The following OSBP2 variants were observed in gnomAD, a reference collection of about 807,000 sequenced individuals.
OSBP2 encodes oxysterol-binding protein 2.
Under a neutral mutation model 96.0 loss-of-function variants are expected in OSBP2, and 66 were observed. The ratio of observed to expected loss-of-function variants is 0.69; its 90% confidence interval spans 0.56 to 0.84. OSBP2 has a LOEUF of 0.84. OSBP2 is among the 40% of genes least tolerant of loss of function. The pLI, the probability that OSBP2 is intolerant of heterozygous loss-of-function variation, is 0.00. For synonymous variants in OSBP2, 525 were observed against 520.9 expected, an observed-to-expected ratio of 1.01 and a Z score of -0.11; for missense variants, 1,038 against 1,222.7, an observed-to-expected ratio of 0.85 and a Z score of 2.25.
intron 2 of OSBP2, 62 bp downstream of exon 2, chr22:30,741,431 G>A (rs1195445369): frequency 4.3e-6 from 6 of 1,400,388 alleles, no homozygotes; most frequent in Non-Finnish European, 5.8e-6. Flanking sequence ...GAGGAAGTGG[G>A]AATTGCAAGC....
chr22:30,807,233 C>T (rs1444688741), intron 2 of OSBP2, among the ~76,000 whole-genome samples: 10 of 152,118 alleles, frequency 6.6e-5, no homozygotes, highest in Non-Finnish European at 7.4e-5. Flanking sequence ...CCCCTGCCCC[C>T]GCGAGACTCA....
Position 30,810,787 on chromosome 22 carries a change from G to A in OSBP2, c.854-59642G>A, listed in dbSNP as rs146986099. ...ATTGCTGCCTGCCAGGTTGGTCTGT[G>A]TGCACTGATGCGGTGGCTTCTCTGA... On this transcript the variant is annotated intron_variant, in intron 2 of 13. Transcript: ENST00000332585. Among the ~76,000 whole-genome samples, 720 of 152,282 alleles carry A rather than the reference G, an allele frequency of 4.7e-3. 7 individuals are homozygous for A. Among genetic ancestry groups the A allele is most frequent in the Non-Finnish European group, 8.4e-3 (568 of 68,010 alleles).
rs146970924 is a variant in OSBP2, at chr22:30,709,221, A to G, written c.644+13668A>G. 2.1e-4 allele frequency among the ~76,000 whole-genome samples: 32 copies of G among 152,332 alleles called. 1 individual carries two copies. Among genetic ancestry groups the G allele is most frequent in the Admixed American group, 2.0e-3 (31 of 15,308 alleles). On this transcript the variant is annotated intron_variant, in intron 1 of 13. Transcript: ENST00000332585. ...ATCAGCTATCCAATCAGTGTTCACA[A>G]TTTCAGTGGTTTCAAATGTCATAAA... is the stretch of plus-strand genomic sequence containing the variant.
At chr22:30,754,463 A>G (rs2090116560) in intron 2 of OSBP2, among the ~76,000 whole-genome samples, 1 of 152,076 alleles carries the variant, frequency 6.6e-6, no homozygotes, top group Non-Finnish European at 1.5e-5. Context: ...GCCTTTAAGG[A>G]GCTCACTGTT....
chr22:30,883,857 G>A (rs2039753460), intron 3 of OSBP2, among the ~76,000 whole-genome samples: 1 of 152,170 alleles, frequency 6.6e-6, no homozygotes, highest in Non-Finnish European at 1.5e-5. Context: ...CTGGCTGCTG[G>A]GGCACATTGT....
intron 1 of OSBP2, among the ~76,000 whole-genome samples, chr22:30,716,053 T>G (rs2089450457): frequency 6.6e-6 from 1 of 151,222 alleles, no homozygotes; most frequent in African/African-American, 2.4e-5. Context: ...TCTTTTTTTT[T>G]TTTTTGAGAC....
chr22:30,788,008 C>T lies in OSBP2; in HGVS notation c.853+46639C>T, dbSNP rs537874546. On this transcript the variant is annotated intron_variant, in intron 2 of 13. Transcript: ENST00000332585. ...CGCTTCAGTAGGCAGAGCCAAGCTC[C>T]ATGTCTGGGCTTAACTGAACAGGAC... Among the ~76,000 whole-genome samples the T allele has an allele frequency of 2.6e-5, 4 of 152,314 alleles. No individual in the cohort carries two copies. In the East Asian group the frequency reaches 7.7e-4, roughly 29 times the overall value.
Position 30,752,139 on chromosome 22 carries a change from C to G in OSBP2, c.853+10770C>G, listed in dbSNP as rs1351249971. Among the ~76,000 whole-genome samples, 5 of 152,264 alleles carry G rather than the reference C, an allele frequency of 3.3e-5. No individual in the cohort carries two copies. The South Asian group carries it at 8.3e-4, about 25-fold the overall frequency. ...AGCGGCACCCAGCCACCTCTGCTCA[C>G]TGCAGTAGTGATTCTCTGCCTGTGC... On this transcript the variant is annotated intron_variant, in intron 2 of 13. Coordinates refer to ENST00000332585, the MANE Select transcript of OSBP2 (RefSeq NM_030758.4).
intron 2 of OSBP2, among the ~76,000 whole-genome samples, chr22:30,809,052 T>G (rs576605415): frequency 6.6e-6 from 1 of 152,122 alleles, no homozygotes; most frequent in East Asian, 1.9e-4. Context: ...AGGCAGAGAT[T>G]GGAATTATGC....
At position 30,699,403 on chromosome 22, in the gene OSBP2, G is replaced by T. The variant is rs1215481120; in HGVS notation, c.644+3850G>T. Among the ~76,000 whole-genome samples, 6 of 152,284 alleles carry T rather than the reference G, an allele frequency of 3.9e-5. No individual in the cohort carries two copies. The East Asian group carries it at 1.2e-3, about 29-fold the overall frequency. Reference sequence around the variant, plus strand: ...ATGATGGGTCACTACAAACATTCTTGTATGTGTGCCGGAATTTCTCTTGAG... The same window carrying T: ...ATGATGGGTCACTACAAACATTCTTTTATGTGTGCCGGAATTTCTCTTGAG... On this transcript the variant is annotated intron_variant, in intron 1 of 13. Transcript: ENST00000332585.
At chr22:30,725,555 A>AAAAAC (rs2089634320) in intron 1 of OSBP2, among the ~76,000 whole-genome samples, 1 of 151,444 alleles carries the variant, frequency 6.6e-6, no homozygotes, top group African/African-American at 2.4e-5. Context: ...CAAAAAAAAA[A>AAAAAC]ACACACAAAA....
intron 12 of OSBP2, chr22:30,902,718 C>A: frequency 2.0e-6 from 1 of 491,916 alleles, no homozygotes; most frequent in East Asian, 4.6e-5. Context: ...TAGCCGATCC[C>A]AACTCTGCTA....
intron 2 of OSBP2, among the ~76,000 whole-genome samples, chr22:30,832,791 G>C (rs1484630369): frequency 6.6e-6 from 1 of 152,172 alleles, no homozygotes; most frequent in Non-Finnish European, 1.5e-5. Flanking sequence ...TTCCACAGAA[G>C]GAAGGGGAGG....
chr22:30,772,113 C>G (rs1458932304), intron 2 of OSBP2, among the ~76,000 whole-genome samples: 1 of 152,180 alleles, frequency 6.6e-6, no homozygotes, highest in Admixed American at 6.5e-5. Context: ...TCTGCTCTGA[C>G]CTTGCAGGCT....
intron 1 of OSBP2, among the ~76,000 whole-genome samples, chr22:30,721,596 CT>C (rs1362051391): frequency 6.6e-6 from 1 of 152,206 alleles, no homozygotes; most frequent in Admixed American, 6.5e-5. Context: ...GCCATTCCTG[CT>C]TCAAGTGAAG....
At position 30,907,727 on chromosome 22, in the gene OSBP2, C is replaced by T. The variant is rs2040361029; in HGVS notation, c.*1388C>T. 6.6e-6 allele frequency: 1 copy of T among 152,564 alleles called. No homozygotes were observed. Among genetic ancestry groups the T allele is most frequent in the African/African-American group, 2.4e-5 (1 of 41,420 alleles). 9.5% of individuals were successfully genotyped at this position (152,564 alleles called of 1,614,324 possible). On this transcript the variant is annotated 3_prime_UTR_variant, in exon 14 of 14. Coordinates refer to ENST00000332585, the MANE Select transcript of OSBP2 (RefSeq NM_030758.4). Reference sequence around the variant, plus strand: ...GGGGCAGGATGGCCCCACTGGGGCTCCTACAGAGCTGTGGAATGTACCTCT... The same window carrying T: ...GGGGCAGGATGGCCCCACTGGGGCTTCTACAGAGCTGTGGAATGTACCTCT...
intron 5 of OSBP2, 59 bp downstream of exon 5, chr22:30,888,399 C>A: frequency 9.9e-7 from 1 of 1,012,852 alleles, no homozygotes; most frequent in Non-Finnish European, 1.6e-6. Flanking sequence ...TGCATCTGGT[C>A]TTTTCACCAG....
intron 2 of OSBP2, among the ~76,000 whole-genome samples, chr22:30,779,228 C>G (rs1312957449): frequency 6.8e-6 from 1 of 146,506 alleles, no homozygotes; most frequent in Non-Finnish European, 1.5e-5. Context: ...ATTACAGGCG[C>G]CCACAACCAC....
chr22:30,895,561 A>G (rs1279965396), intron 12 of OSBP2, among the ~76,000 whole-genome samples: 1 of 152,206 alleles, frequency 6.6e-6, no homozygotes. Flanking sequence ...CTAATTTTGT[A>G]TCTAGTCAAA....
Sources: gnomAD v4.1 joint callset for allele counts (sites outside exome capture counted in the v4.1 genomes callset) on GRCh38, gnomAD v4.1.1 for gene constraint, MANE v1.5 for transcripts, NCBI Gene and HGNC (gene_info 2026-07-23, HGNC 2026-07-21) for gene names.